The following PTPRG variants were observed in gnomAD, a reference collection of about 807,000 sequenced individuals.
The protein encoded by PTPRG is protein tyrosine phosphatase receptor type G.
PTPRG carries 102 observed loss-of-function variants against 165.3 expected under a neutral mutation model. The observed-to-expected ratio is 0.62, with a 90% CI of 0.53 to 0.73. The LOEUF (loss-of-function observed/expected upper bound fraction) is 0.73. Ranked by LOEUF, PTPRG falls within the 30% of genes least tolerant of loss-of-function variation. The pLI is 0.00. For synonymous variants in PTPRG, 675 were observed against 669.5 expected, an observed-to-expected ratio of 1.01 and a Z score of -0.13; for missense variants, 1,866 against 1,861.4, an observed-to-expected ratio of 1.00 and a Z score of -0.05.
At chr3:61,922,499 CTTGTGCGCGT>C (rs970761204) in intron 2 of PTPRG, among the ~76,000 whole-genome samples, 1 of 152,206 alleles carries the variant, frequency 6.6e-6, no homozygotes, top group East Asian at 1.9e-4. Flanking sequence ...TGTGTGTACG[CTTGTGCGCGT>C]TTGTTATTGC....
chr3:62,270,668 C>T (rs1170020575), intron 20 of PTPRG, among the ~76,000 whole-genome samples: 1 of 151,924 alleles, frequency 6.6e-6, no homozygotes, highest in South Asian at 2.1e-4. Context: ...TAGCACAGGA[C>T]CAGACACACT....
chr3:61,708,219 A>C (rs2031360877), intron 1 of PTPRG, among the ~76,000 whole-genome samples: 1 of 152,010 alleles, frequency 6.6e-6, no homozygotes, highest in Non-Finnish European at 1.5e-5. Context: ...TAAGCTCATT[A>C]AAAAAATATT....
chr3:62,081,645 C>G (rs1701586402), intron 5 of PTPRG, among the ~76,000 whole-genome samples: 1 of 152,192 alleles, frequency 6.6e-6, no homozygotes, highest in Non-Finnish European at 1.5e-5. Context: ...GCGCCCGGCC[C>G]CTTTGTCTTT....
At chr3:62,274,057 C>T (rs1298137262) in intron 23 of PTPRG, among the ~76,000 whole-genome samples, 2 of 152,090 alleles carry the variant, frequency 1.3e-5, no homozygotes, top group Non-Finnish European at 2.9e-5. Context: ...GTTGTATTTT[C>T]TTCTGAGCAA....
intron 4 of PTPRG, among the ~76,000 whole-genome samples, chr3:62,070,370 A>G (rs946915944): frequency 1.3e-5 from 2 of 152,096 alleles, no homozygotes; most frequent in Non-Finnish European, 2.9e-5. Flanking sequence ...TGATTTTGTT[A>G]TTTATTCCAA....
At chr3:61,608,871 C>G (rs1193186895) in intron 1 of PTPRG, among the ~76,000 whole-genome samples, 5 of 152,168 alleles carry the variant, frequency 3.3e-5, no homozygotes, top group Admixed American at 1.3e-4. Context: ...TGAGCCCTTG[C>G]TATTGTCCCT....
intron 1 of PTPRG, among the ~76,000 whole-genome samples, chr3:61,568,374 A>T (rs952816566): frequency 5.9e-5 from 9 of 152,220 alleles, no homozygotes; most frequent in Non-Finnish European, 1.5e-5. Context: ...ACTCAGTATG[A>T]AAAGGATTGT....
At position 61,646,671 on chromosome 3, in the gene PTPRG, G is replaced by A. The variant is rs548768940; in HGVS notation, c.85+84299G>A. 3.9e-5 allele frequency among the ~76,000 whole-genome samples: 6 copies of A among 152,268 alleles called. No homozygotes were observed. The East Asian group carries it at 1.2e-3, about 29-fold the overall frequency. On this transcript the variant is annotated intron_variant, in intron 1 of 29. Transcript: ENST00000474889. ...TTGTATTTACTCAGTGGTGTTTGTGGTGTGTATGTGTATGTATAGTTTTAT... is the reference window on the plus strand; with the variant it reads ...TTGTATTTACTCAGTGGTGTTTGTGATGTGTATGTGTATGTATAGTTTTAT...
chr3:61,681,268 C>T (rs1040688994), intron 1 of PTPRG, among the ~76,000 whole-genome samples: 2 of 152,130 alleles, frequency 1.3e-5, no homozygotes, highest in African/African-American at 4.8e-5. Context: ...TTAATAATGC[C>T]ACAGAAACTA....
intron 2 of PTPRG, among the ~76,000 whole-genome samples, chr3:61,939,389 C>T (rs980340460): frequency 3.9e-5 from 6 of 152,046 alleles, no homozygotes; most frequent in Admixed American, 2.0e-4. Context: ...CATAAAAAGT[C>T]GTAAGTGATG....
intron 4 of PTPRG, among the ~76,000 whole-genome samples, chr3:62,053,891 T>A (rs1205397160): frequency 6.6e-6 from 1 of 152,170 alleles, no homozygotes; most frequent in African/African-American, 2.4e-5. Flanking sequence ...CAGTGCAAAA[T>A]TTTTTAAACT....
intron 2 of PTPRG, among the ~76,000 whole-genome samples, chr3:61,904,139 G>A (rs762745337): frequency 5.3e-5 from 8 of 152,080 alleles, no homozygotes; most frequent in Admixed American, 1.3e-4. Context: ...CCTCTCTGGC[G>A]TAACCTCATC....
intron 13 of PTPRG, among the ~76,000 whole-genome samples, chr3:62,227,054 C>T (rs1403314965): frequency 6.6e-6 from 1 of 152,120 alleles, no homozygotes; most frequent in African/African-American, 2.4e-5. Flanking sequence ...TTTGTGTTGG[C>T]ATAATGGAGG....
chr3:62,192,311 G>A lies in PTPRG; in HGVS notation c.1218+658G>A, dbSNP rs190204528. 2.8e-4 allele frequency among the ~76,000 whole-genome samples: 41 copies of A among 144,964 alleles called. No homozygotes were observed. In the East Asian group the frequency reaches 8.8e-3, roughly 31 times the overall value. On this transcript the variant is annotated intron_variant, in intron 9 of 29. Coordinates refer to ENST00000474889, the MANE Select transcript of PTPRG (RefSeq NM_002841.4). ...CTCTAAAAATTTACATAAATGTTTA[G>A]TGTCCAACACACAAGCCCCTTCAGA...
At chr3:62,269,871 A>G (rs1702004267) in intron 20 of PTPRG, among the ~76,000 whole-genome samples, 1 of 152,148 alleles carries the variant, frequency 6.6e-6, no homozygotes, top group Admixed American at 6.6e-5. Flanking sequence ...TTGAAACCTC[A>G]GGTAGTACTG....
In PTPRG at chr3:62,192,353, G is replaced by A. The variant is rs533166819; in HGVS notation, c.1218+700G>A. Reference sequence around the variant, plus strand: ...CCCTTCAGAACAGATGTTTGCAGAAGCCATCTCCTTCCCTATAAAGCAAAC... The same window carrying A: ...CCCTTCAGAACAGATGTTTGCAGAAACCATCTCCTTCCCTATAAAGCAAAC... On this transcript the variant is annotated intron_variant, in intron 9 of 29. Transcript: ENST00000474889. Among the ~76,000 whole-genome samples the A allele has an allele frequency of 5.8e-5, 8 of 138,694 alleles. No individual in the cohort carries two copies. The East Asian group carries it at 1.7e-3, about 29-fold the overall frequency. The allele number at this position is 138,694 out of a possible 152,430, so 91.0% of individuals were successfully genotyped here.
chr3:61,637,318 T>G (rs1302402522), intron 1 of PTPRG, among the ~76,000 whole-genome samples: 1 of 152,166 alleles, frequency 6.6e-6, no homozygotes, highest in Admixed American at 6.5e-5. Flanking sequence ...AGAATGACCT[T>G]TGGCAAATGA....
At chr3:61,897,036 C>G in intron 2 of PTPRG, among the ~76,000 whole-genome samples, 1 of 150,960 alleles carries the variant, frequency 6.6e-6, no homozygotes, top group East Asian at 2.0e-4. Context: ...TGTGTTTATC[C>G]TGTGTTATTT....
chr3:61,784,351 A>AT (rs2034632887), intron 2 of PTPRG, among the ~76,000 whole-genome samples: 1 of 151,968 alleles, frequency 6.6e-6, no homozygotes. Context: ...CCCTTCCTTC[A>AT]TTTTTTTCAG....
Sources: gnomAD v4.1 joint callset for allele counts (sites outside exome capture counted in the v4.1 genomes callset) on GRCh38, gnomAD v4.1.1 for gene constraint, MANE v1.5 for transcripts, NCBI Gene and HGNC (gene_info 2026-07-23, HGNC 2026-07-21) for gene names.